ASPH: variants seen among roughly 807,000 people sequenced by gnomAD.
ASPH encodes the protein aspartyl/asparaginyl beta-hydroxylase.
A neutral mutation model predicts 118.4 loss-of-function variants in ASPH; 100 were observed. The ratio of observed to expected loss-of-function variants is 0.84; its 90% CI spans 0.72 to 1.00. The LOEUF (loss-of-function observed/expected upper bound fraction) is 1.00, where lower values mean the gene tolerates loss of function less well. Among genes scored for constraint, ASPH ranks in the 50% least tolerant of loss-of-function variants. The pLI is 0.00. For synonymous variants in ASPH, 315 were observed against 325.6 expected, an observed-to-expected ratio of 0.97 and a Z score of 0.35; for missense variants, 920 against 919.5, an observed-to-expected ratio of 1.00 and a Z score of -0.01.
intron 3 of ASPH, chr8:61,675,464 A>G: frequency 1.0e-6 from 1 of 984,782 alleles, no homozygotes; most frequent in Non-Finnish European, 1.2e-6. Flanking sequence ...CTCTAAGGCA[A>G]AAACATGGAG....
chr8:61,507,621 C>T (rs1298270220), intron 24 of ASPH, among the ~76,000 whole-genome samples: 1 of 150,704 alleles, frequency 6.6e-6, no homozygotes, highest in East Asian at 2.0e-4. Context: ...TTAAGTGACT[C>T]CAGGTTAAAT....
At chr8:61,567,118 A>G (rs1831973752) in intron 17 of ASPH, 50 bp downstream of exon 17, 1 of 1,592,432 alleles carries the variant, frequency 6.3e-7, no homozygotes, top group Non-Finnish European at 8.6e-7. Flanking sequence ...AGCTTCTTCA[A>G]GATAAAACAT....
chr8:61,630,383 A>G (rs1855035212), intron 13 of ASPH, among the ~76,000 whole-genome samples: 1 of 152,210 alleles, frequency 6.6e-6, no homozygotes, highest in African/African-American at 2.4e-5. Flanking sequence ...AGACTGTGCA[A>G]AAATACCACA....
At chr8:61,666,011 T>C (rs1253667484) in intron 3 of ASPH, among the ~76,000 whole-genome samples, 1 of 152,150 alleles carries the variant, frequency 6.6e-6, no homozygotes, top group Non-Finnish European at 1.5e-5. Context: ...ACAAAGATAA[T>C]TTAAAATGTT....
rs899938832 is a variant in ASPH, at chr8:61,502,742, G to A, written c.*617C>T. 3.9e-5 allele frequency: 6 copies of A among 152,142 alleles called. No individual in the cohort carries two copies. Among genetic ancestry groups the A allele is most frequent in the African/African-American group, 1.4e-4 (6 of 41,440 alleles). 9.4% of individuals were successfully genotyped at this position (152,142 alleles called of 1,614,324 possible). A position where few individuals can be genotyped will look rare whatever the true frequency, so the allele number is the denominator to read the frequency against. ...AACCAAACGATTTGAGAGTTGGGATGGGTACAGTTCATAGACACTGACATA... is the reference window on the plus strand; with the variant it reads ...AACCAAACGATTTGAGAGTTGGGATAGGTACAGTTCATAGACACTGACATA... On this transcript the variant is annotated 3_prime_UTR_variant, in exon 25 of 25. Coordinates refer to ENST00000379454, the MANE Select transcript of ASPH (RefSeq NM_004318.4).
At chr8:61,578,847 C>G (rs1468218934) in intron 15 of ASPH, 19 of 1,612,414 alleles carry the variant, frequency 1.2e-5, no homozygotes, top group Non-Finnish European at 1.6e-5. Flanking sequence ...CAAGGTAGAG[C>G]TGGAGTCTCG....
intron 24 of ASPH, among the ~76,000 whole-genome samples, chr8:61,513,049 T>C (rs1809504543): frequency 6.6e-6 from 1 of 152,218 alleles, no homozygotes. Flanking sequence ...TATGCTACGC[T>C]TTGCAGGGAT....
At chr8:61,567,659 G>A (rs1272970843) in intron 16 of ASPH, among the ~76,000 whole-genome samples, 4 of 152,242 alleles carry the variant, frequency 2.6e-5, no homozygotes, top group Admixed American at 1.3e-4. Flanking sequence ...TAATTTATTC[G>A]TGTATGCATT....
chr8:61,562,901 A>C, intron 17 of ASPH, 21 bp from the exon 18 acceptor site: 1 of 1,558,078 alleles, frequency 6.4e-7, no homozygotes, highest in Non-Finnish European at 8.6e-7. Flanking sequence ...GGGAATTTAA[A>C]AAAAATAGAA....
In ASPH at chr8:61,607,434, C is replaced by T. The variant is rs955181238; in HGVS notation, c.976+11544G>A. The T allele has an allele frequency of 6.8e-6, 4 of 584,566 alleles. No individual in the cohort carries two copies. The African/African-American group carries it at 7.5e-5, about 11-fold the overall frequency. 36.2% of individuals were successfully genotyped at this position (584,566 alleles called of 1,614,324 possible). On this transcript the variant is annotated intron_variant, in intron 14 of 24. Transcript: ENST00000379454. Reference sequence around the variant, plus strand: ...AGGCAAAAATCAGTGTTCTCTTATTCTACCATGACCAACTCAACAAATGTA... The same window carrying T: ...AGGCAAAAATCAGTGTTCTCTTATTTTACCATGACCAACTCAACAAATGTA...
chr8:61,652,698 C>T (rs1005842957), intron 4 of ASPH, among the ~76,000 whole-genome samples: 3 of 152,028 alleles, frequency 2.0e-5, no homozygotes, highest in African/African-American at 7.2e-5. Context: ...TCCAAACACA[C>T]ATTAAATTAT....
At chr8:61,622,949 T>C (rs1851510197) in intron 13 of ASPH, among the ~76,000 whole-genome samples, 1 of 152,206 alleles carries the variant, frequency 6.6e-6, no homozygotes, top group Non-Finnish European at 1.5e-5. Flanking sequence ...CAACCTGTTC[T>C]AGAACCCCAG....
intron 14 of ASPH, among the ~76,000 whole-genome samples, chr8:61,600,145 T>C (rs998775790): frequency 1.3e-5 from 2 of 151,976 alleles, no homozygotes; most frequent in Non-Finnish European, 2.9e-5. Flanking sequence ...ACAAAAACCA[T>C]ATGATCATCT....
At chr8:61,517,898 T>C in intron 23 of ASPH, 134 bp downstream of exon 23, 1 of 1,135,592 alleles carries the variant, frequency 8.8e-7, no homozygotes, top group South Asian at 1.5e-5. Flanking sequence ...CACATAAAAT[T>C]ATGTTTCAGT....
At chr8:61,571,832 T>G (rs1430980229) in intron 16 of ASPH, among the ~76,000 whole-genome samples, 2 of 152,240 alleles carry the variant, frequency 1.3e-5, no homozygotes, top group Non-Finnish European at 2.9e-5. Context: ...TGAAATGACT[T>G]AATACTAGTG....
chr8:61,663,977 A>T, intron 3 of ASPH: 2 of 863,874 alleles, frequency 2.3e-6, no homozygotes, highest in Non-Finnish European at 2.8e-6. Context: ...TTCATAAAAA[A>T]GTAAATAAAT....
intron 1 of ASPH, among the ~76,000 whole-genome samples, chr8:61,688,516 T>C (rs1401873553): frequency 6.6e-6 from 1 of 152,152 alleles, no homozygotes; most frequent in African/African-American, 2.4e-5. Flanking sequence ...ACCCCAGCAC[T>C]TGAACAGTCA....
intron 17 of ASPH, among the ~76,000 whole-genome samples, chr8:61,564,822 C>T (rs1483215185): frequency 6.6e-6 from 1 of 152,226 alleles, no homozygotes; most frequent in Non-Finnish European, 1.5e-5. Flanking sequence ...TCATTCTAAT[C>T]CTCGGAAAAC....
chr8:61,705,236 G>A (rs1018311406), intron 1 of ASPH, among the ~76,000 whole-genome samples: 1 of 152,118 alleles, frequency 6.6e-6, no homozygotes, highest in African/African-American at 2.4e-5. Flanking sequence ...AGACACTGGG[G>A]CCTACTTGAG....
Sources: allele counts gnomAD v4.1 joint callset (sites outside exome capture counted in the v4.1 genomes callset), GRCh38; gene constraint gnomAD v4.1.1; transcripts MANE v1.5; gene names NCBI Gene and HGNC (gene_info 2026-07-23, HGNC 2026-07-21).